Variants in DMD observed in about 807,000 individuals in gnomAD.
The protein encoded by DMD is dystrophin.
A neutral mutation model predicts 330.1 loss-of-function variants in DMD; 63 were observed. The ratio of observed to expected loss-of-function variants is 0.19; its 90% CI spans 0.16 to 0.24. The LOEUF is 0.24. Ranked by LOEUF, DMD falls within the 10% of genes least tolerant of loss-of-function variation. The pLI is 1.00. For synonymous variants in DMD, 1,223 were observed against 959.8 expected, an observed-to-expected ratio of 1.27 and a Z score of -5.07; for missense variants, 3,344 against 2,684.1, an observed-to-expected ratio of 1.25 and a Z score of -5.43.
At chrX:32,801,951 C>A (rs2076601069) in intron 7 of DMD, among the ~76,000 whole-genome samples, 1 of 111,804 alleles carries the variant, frequency 8.9e-6, no homozygotes, top group South Asian at 3.7e-4. Context: ...ATGATGCCTC[C>A]AGCTTTGTTA....
At chrX:32,999,470 C>G (rs1334098426) in intron 2 of DMD, among the ~76,000 whole-genome samples, 1 of 111,558 alleles carries the variant, frequency 9.0e-6, no homozygotes, top group African/African-American at 3.3e-5. Flanking sequence ...GGTATTGTTA[C>G]TTAAATGTAA....
chrX:31,410,944 T>TTTC (rs1384974723), intron 60 of DMD, among the ~76,000 whole-genome samples: 5 of 98,247 alleles, frequency 5.1e-5, no homozygotes, highest in African/African-American at 2.0e-4. Context: ...TTTTTTTTTT[T>TTTC]CAGTAGAGAC....
intron 48 of DMD, among the ~76,000 whole-genome samples, chrX:31,869,402 T>C (rs1358476895): frequency 1.4e-5 from 1 of 70,790 alleles, no homozygotes; most frequent in African/African-American, 4.8e-5. Context: ...GTAAACGACA[T>C]GATTTTTTTT....
intron 32 of DMD, among the ~76,000 whole-genome samples, chrX:32,388,520 C>T (rs2097976731): frequency 1.8e-5 from 2 of 108,460 alleles, no homozygotes; most frequent in South Asian, 3.9e-4. Flanking sequence ...AATATATTAT[C>T]GAATAAGAAT....
At chrX:31,273,257 A>T (rs185364276) in intron 62 of DMD, among the ~76,000 whole-genome samples, 216 of 112,249 alleles carry the variant, frequency 1.9e-3, no homozygotes, top group Middle Eastern at 4.7e-3. Flanking sequence ...ACATATGATT[A>T]AAAAACAGCA....
chrX:31,159,048 C>T (rs1209388452), intron 74 of DMD, among the ~76,000 whole-genome samples: 1 of 111,668 alleles, frequency 9.0e-6, no homozygotes, highest in African/African-American at 3.3e-5. Flanking sequence ...ACCTGAAAAT[C>T]AACCCCAAAA....
intron 44 of DMD, among the ~76,000 whole-genome samples, chrX:32,133,005 T>TC (rs1569545932): frequency 0.014 from 1,111 of 79,289 alleles, 9 homozygotes; most frequent in South Asian, 0.043. Context: ...TTTTTTTTTT[T>TC]TTTTTTTTTT....
At chrX:32,786,768 A>C (rs1184952866) in intron 7 of DMD, among the ~76,000 whole-genome samples, 1 of 112,000 alleles carries the variant, frequency 8.9e-6, no homozygotes, top group Non-Finnish European at 1.9e-5. Context: ...AGTAGTTACA[A>C]GTAGGGAATC....
intron 1 of DMD, among the ~76,000 whole-genome samples, chrX:33,072,864 A>C (rs2094780815): frequency 9.0e-6 from 1 of 111,599 alleles, no homozygotes; most frequent in Non-Finnish European, 1.9e-5. Context: ...AATTTCCATC[A>C]TGCTATGTCC....
chrX:32,074,251 T>C (rs2096325081), intron 44 of DMD, among the ~76,000 whole-genome samples: 1 of 111,604 alleles, frequency 9.0e-6, no homozygotes, highest in Non-Finnish European at 1.9e-5. Context: ...AGATCCTACA[T>C]CCTTTTAAAT....
intron 51 of DMD, among the ~76,000 whole-genome samples, chrX:31,769,879 C>T (rs1334712529): frequency 8.9e-6 from 1 of 111,874 alleles, no homozygotes; most frequent in East Asian, 2.8e-4. Context: ...AGTTTCTATT[C>T]AGGAGAATTG....
Position 32,644,951 on chromosome X carries a change from C to A in DMD, c.1149+13G>T, listed in dbSNP as rs756058765. On this transcript the variant is annotated intron_variant, in intron 10 of 78. Transcript: ENST00000357033. The stretch of plus-strand genomic sequence containing the variant: ...TCATATGTTTTGTTTTGTAAATTAA[C>A]GTTTTAGTTTACCTCATGAGTATGA... 1 of 1,206,822 alleles carries A rather than the reference C, an allele frequency of 8.3e-7. No individual in the cohort carries two copies. Among genetic ancestry groups the A allele is most frequent in the Non-Finnish European group, 1.1e-6 (1 of 891,277 alleles).
At chrX:33,108,715 C>G (rs915480129) in intron 1 of DMD, among the ~76,000 whole-genome samples, 5 of 105,271 alleles carry the variant, frequency 4.7e-5, no homozygotes, top group Non-Finnish European at 9.8e-5. Flanking sequence ...GTCTCTACTA[C>G]AAATACAAAA....
At chrX:32,345,615 T>C (rs1412530634) in intron 39 of DMD, among the ~76,000 whole-genome samples, 1 of 110,975 alleles carries the variant, frequency 9.0e-6, no homozygotes, top group South Asian at 3.8e-4. Flanking sequence ...TCGGTTATTC[T>C]GGCAGTTAGG....
At chrX:31,896,823 T>G (rs1311398813) in intron 47 of DMD, among the ~76,000 whole-genome samples, 3 of 111,993 alleles carry the variant, frequency 2.7e-5, no homozygotes, top group African/African-American at 9.7e-5. Flanking sequence ...TTATAAGTAG[T>G]ACATTAAAAC....
chrX:33,205,472 T>A (rs745941994), intron 1 of DMD, among the ~76,000 whole-genome samples: 98 of 112,370 alleles, frequency 8.7e-4, no homozygotes, highest in African/African-American at 3.0e-3. Flanking sequence ...GCCCTTTAAG[T>A]CAGCACTTAG....
chrX:31,985,458 A>G (rs888765180), intron 44 of DMD, among the ~76,000 whole-genome samples: 1 of 112,804 alleles, frequency 8.9e-6, no homozygotes, highest in African/African-American at 3.2e-5. Context: ...GCTTCTACAT[A>G]ATAGCCTTTG....
chrX:32,167,470 G>A lies in DMD; in HGVS notation c.6438+49446C>T, dbSNP rs767340987. ...CAACTGTGACTTGGAGATGATCATT[G>A]AGACTACCCACCAGGATTGTTTTAG... On this transcript the variant is annotated intron_variant, in intron 44 of 78. Transcript: ENST00000357033. 4.3e-4 allele frequency among the ~76,000 whole-genome samples: 48 copies of A among 111,791 alleles called. 1 individual carries two copies. In the South Asian group the frequency reaches 6.0e-3, roughly 14 times the overall value.
chrX:32,616,186 G>A (rs142317451), intron 11 of DMD, among the ~76,000 whole-genome samples: 9 of 110,849 alleles, frequency 8.1e-5, no homozygotes, highest in African/African-American at 2.9e-4. Flanking sequence ...AATGTTAAAT[G>A]TGACCACCTG....
Sources: gnomAD v4.1 joint callset for allele counts (sites outside exome capture counted in the v4.1 genomes callset) on GRCh38, gnomAD v4.1.1 for gene constraint, MANE v1.5 for transcripts, NCBI Gene and HGNC (gene_info 2026-07-23, HGNC 2026-07-21) for gene names.